The following OPCML variants were observed in gnomAD, a reference collection of about 807,000 sequenced individuals.
The protein encoded by OPCML is opioid-binding protein/cell adhesion molecule.
A neutral mutation model predicts 37.8 loss-of-function variants in OPCML; 13 were observed. The ratio of observed to expected loss-of-function variants is 0.34; its 90% CI spans 0.22 to 0.55. OPCML has a LOEUF of 0.55. OPCML is among the 20% of genes least tolerant of loss of function. The pLI is 0.91. For missense variants in OPCML, 341 were observed against 435.6 expected, an observed-to-expected ratio of 0.78 and a Z score of 1.93; for synonymous variants, 176 against 168.8, an observed-to-expected ratio of 1.04 and a Z score of -0.33.
chr11:133,112,151 C>T (rs1592011988), intron 1 of OPCML, among the ~76,000 whole-genome samples: 1 of 151,914 alleles, frequency 6.6e-6, no homozygotes, highest in Admixed American at 6.6e-5. Context: ...TGTGACAAAG[C>T]TATTTATTCC....
chr11:132,439,349 T>C (rs186090187), intron 4 of OPCML, among the ~76,000 whole-genome samples: 2 of 152,240 alleles, frequency 1.3e-5, no homozygotes, highest in Non-Finnish European at 2.9e-5. Flanking sequence ...GATGGGAACT[T>C]AGACAATTTC....
intron 1 of OPCML, among the ~76,000 whole-genome samples, chr11:133,286,015 G>T (rs1942285763): frequency 6.6e-6 from 1 of 152,184 alleles, no homozygotes; most frequent in Non-Finnish European, 1.5e-5. Context: ...TGGAGAAAGA[G>T]AAATGATGGA....
chr11:132,829,137 A>T (rs1940536575), intron 2 of OPCML, among the ~76,000 whole-genome samples: 1 of 152,180 alleles, frequency 6.6e-6, no homozygotes, highest in Non-Finnish European at 1.5e-5. Flanking sequence ...TATTAGAAGA[A>T]TCCAGAAGAA....
At chr11:133,012,272 G>A (rs1350005763) in intron 1 of OPCML, among the ~76,000 whole-genome samples, 1 of 152,154 alleles carries the variant, frequency 6.6e-6, no homozygotes, top group Non-Finnish European at 1.5e-5. Context: ...TCAAGGTCGG[G>A]AAAACCTGGC....
chr11:132,456,391 C>T (rs368416862), intron 4 of OPCML, among the ~76,000 whole-genome samples: 1 of 152,140 alleles, frequency 6.6e-6, no homozygotes, highest in Non-Finnish European at 1.5e-5. Context: ...TCACACCGGG[C>T]AGGAAATTTT....
At position 133,141,098 on chromosome 11, in the gene OPCML, A is replaced by AAGG. The variant is rs1949815684; in HGVS notation, c.62-198089_62-198088insCCT. ...GAAGAAGAAGAAGAAGAAGAAGGAG[A>AAGG]AGAAGAAGCAGCTGAATGCCAAAGT... is the stretch of plus-strand genomic sequence containing the variant. On this transcript the variant is annotated intron_variant, in intron 1 of 7. Transcript: ENST00000524381. Among the ~76,000 whole-genome samples the AAGG allele has an allele frequency of 1.4e-5, 2 of 143,386 alleles. 1 individual carries two copies. Among genetic ancestry groups the AAGG allele is most frequent in the African/African-American group, 5.1e-5 (2 of 39,494 alleles). 94.1% of individuals were successfully genotyped at this position (143,386 alleles called of 152,430 possible).
chr11:133,342,111 T>A (rs1943883879), intron 1 of OPCML, among the ~76,000 whole-genome samples: 1 of 152,110 alleles, frequency 6.6e-6, no homozygotes, highest in Non-Finnish European at 1.5e-5. Flanking sequence ...GAGGCTTCCA[T>A]GTGATATCTC....
At chr11:133,272,904 T>C (rs1006595355) in intron 1 of OPCML, among the ~76,000 whole-genome samples, 2 of 152,186 alleles carry the variant, frequency 1.3e-5, no homozygotes, top group Admixed American at 6.5e-5. Flanking sequence ...AGAAATGTTA[T>C]TGCTTTCACT....
intron 1 of OPCML, among the ~76,000 whole-genome samples, chr11:133,372,279 C>A (rs556259370): frequency 6.6e-6 from 1 of 152,280 alleles, no homozygotes; most frequent in South Asian, 2.1e-4. Context: ...AACAAAAACT[C>A]ACATATACCC....
intron 1 of OPCML, among the ~76,000 whole-genome samples, chr11:133,204,043 A>G (rs1938920924): frequency 1.6e-5 from 2 of 123,340 alleles, no homozygotes; most frequent in African/African-American, 3.2e-5. Flanking sequence ...GGGGGGACAG[A>G]GCGAGACTCT....
At chr11:132,551,736 C>G (rs910723379) in intron 3 of OPCML, among the ~76,000 whole-genome samples, 7 of 152,176 alleles carry the variant, frequency 4.6e-5, no homozygotes, top group African/African-American at 1.7e-4. Context: ...TCAGCACTCT[C>G]AACTCACTGG....
intron 2 of OPCML, among the ~76,000 whole-genome samples, chr11:132,684,855 C>T (rs1190837121): frequency 6.6e-6 from 1 of 152,172 alleles, no homozygotes; most frequent in Admixed American, 6.5e-5. Flanking sequence ...ATTTTCTTCA[C>T]TTGAATTTCC....
chr11:132,449,730 C>A (rs1219010763), intron 4 of OPCML, among the ~76,000 whole-genome samples: 1 of 152,174 alleles, frequency 6.6e-6, no homozygotes, highest in Non-Finnish European at 1.5e-5. Flanking sequence ...TCGGCCTTTG[C>A]TCTGCCACTA....
chr11:133,492,707 A>T (rs1035205408), intron 1 of OPCML, among the ~76,000 whole-genome samples: 1 of 133,098 alleles, frequency 7.5e-6, no homozygotes, highest in African/African-American at 3.4e-5. Context: ...GCAGGCAATT[A>T]CTGCCAAAAA....
At chr11:133,462,111 T>G (rs960399339) in intron 1 of OPCML, among the ~76,000 whole-genome samples, 1 of 151,934 alleles carries the variant, frequency 6.6e-6, no homozygotes, top group East Asian at 1.9e-4. Context: ...ATTTAGCCCA[T>G]ATACAAAAAT....
intron 2 of OPCML, among the ~76,000 whole-genome samples, chr11:132,866,071 GAA>G (rs35678364): frequency 2.9e-5 from 4 of 139,118 alleles, no homozygotes; most frequent in Non-Finnish European, 4.7e-5. Context: ...TTCTCCTCAG[GAA>G]AAAAAAAAAA....
rs1478692924 is a variant in OPCML, at chr11:132,650,875, G to T, written c.379+6212C>A. Reference sequence around the variant, plus strand: ...GTTGAATACATTAAATTTATTTCAGGTTAACTGCCTGCTTTTCTTTAAGTC... The same window carrying T: ...GTTGAATACATTAAATTTATTTCAGTTTAACTGCCTGCTTTTCTTTAAGTC... On this transcript the variant is annotated intron_variant, in intron 3 of 7. Transcript: ENST00000524381. 2.0e-5 allele frequency among the ~76,000 whole-genome samples: 3 copies of T among 152,072 alleles called. No homozygotes were observed. In the East Asian group the frequency reaches 5.8e-4, roughly 29 times the overall value.
chr11:132,589,811 A>G (rs7116863), intron 3 of OPCML, among the ~76,000 whole-genome samples: 93,671 of 152,068 alleles, frequency 0.62, 29,280 homozygotes, highest in Admixed American at 0.71. Context: ...TCTTTTGCGG[A>G]GGAGAAATTT....
At chr11:132,526,749 A>G (rs1044876517) in intron 4 of OPCML, among the ~76,000 whole-genome samples, 4 of 152,170 alleles carry the variant, frequency 2.6e-5, no homozygotes, top group African/African-American at 9.6e-5. Flanking sequence ...TTTAATTGCA[A>G]TATAATTACC....
Sources: gnomAD v4.1 joint callset for allele counts (sites outside exome capture counted in the v4.1 genomes callset) on GRCh38, gnomAD v4.1.1 for gene constraint, MANE v1.5 for transcripts, NCBI Gene and HGNC (gene_info 2026-07-23, HGNC 2026-07-21) for gene names.